The following EP400 variants were observed in gnomAD, a reference collection of about 807,000 sequenced individuals.
EP400 encodes E1A-binding protein p400.
A neutral mutation model predicts 354.1 loss-of-function variants in EP400; 105 were observed. The observed-to-expected ratio is 0.30, with a 90% CI of 0.25 to 0.35. EP400 has a LOEUF of 0.35. Among genes scored for constraint, EP400 ranks in the 10% least tolerant of loss-of-function variants. The pLI is 1.00. For synonymous variants in EP400, 1,646 were observed against 1,716.9 expected (o/e 0.96, Z 1.02); for missense variants, 3,280 against 4,121.0 (o/e 0.80, Z 5.59).
In EP400 at chr12:132,069,635, G is replaced by T; in HGVS notation, c.9015G>T (p.Gln3005His). ...CCGGGGCCCAGCAAGTGCAGACCCAGATCCAGGTGAGCGGGGAACAGGGTG... is the reference window on the plus strand; with the variant it reads ...CCGGGGCCCAGCAAGTGCAGACCCATATCCAGGTGAGCGGGGAACAGGGTG... Reference protein sequence around the residue: ...KLAGAQQVQTQIQVAKLPQVV... With the variant: ...KLAGAQQVQTHIQVAKLPQVV... Residue 3005 changes from glutamine to histidine, a missense_variant, in exon 51 of 53, where the codon CAG (glutamine) becomes CAT (histidine). Around this residue, in one of 20 missense-constraint regions of EP400, gnomAD observed 279 missense variants for 386.7 expected, o/e 0.72. Transcript: ENST00000389561. 6.2e-7 allele frequency: 1 copy of T among 1,614,204 alleles called. No homozygotes were observed. The highest frequency in any genetic ancestry group is 8.5e-7 in the Non-Finnish European group (1 of 1,180,014).
intron 2 of EP400, among the ~76,000 whole-genome samples, chr12:131,966,520 G>A (rs939659261): frequency 7.3e-6 from 1 of 136,814 alleles, no homozygotes; most frequent in African/African-American, 2.8e-5. Context: ...CTGAGACAGC[G>A]CCACTGCACA....
intron 2 of EP400, 33 bp downstream of exon 2, chr12:131,961,987 ATCT>A (rs750248708): frequency 2.7e-5 from 42 of 1,577,428 alleles, no homozygotes; most frequent in Non-Finnish European, 3.3e-5. Flanking sequence ...TTTAGTACAA[ATCT>A]TCTAGATGAT....
At chr12:132,060,227 A>C (rs2136602940) in intron 45 of EP400, among the ~76,000 whole-genome samples, 1 of 152,278 alleles carries the variant, frequency 6.6e-6, no homozygotes, top group Non-Finnish European at 1.5e-5. Context: ...GGAGGCAAAA[A>C]TCAGAAGACA....
chr12:132,052,270 G>A lies in EP400; in HGVS notation c.7395-876G>A, dbSNP rs976442296. Among the ~76,000 whole-genome samples, 1 of 152,160 alleles carries A rather than the reference G, an allele frequency of 6.6e-6. No homozygotes were observed. Among genetic ancestry groups the A allele is most frequent in the Non-Finnish European group, 1.5e-5 (1 of 68,014 alleles). ...CCGCCCACAGTTGTCACACAGTGGCGGATTTGGGAGGCTTCCTCGTTCTGT... is the reference window on the plus strand; with the variant it reads ...CCGCCCACAGTTGTCACACAGTGGCAGATTTGGGAGGCTTCCTCGTTCTGT... On this transcript the variant is annotated intron_variant, in intron 41 of 52. Transcript: ENST00000389561. The surrounding 1 kb of genome is among the most constrained non-coding windows in gnomAD (Gnocchi z 4.4).
intron 21 of EP400, among the ~76,000 whole-genome samples, chr12:132,019,271 G>A (rs1894043844): frequency 6.6e-6 from 1 of 152,114 alleles, no homozygotes; most frequent in Non-Finnish European, 1.5e-5. Flanking sequence ...TGAACTCTTG[G>A]GCTCAAGGGA....
At chr12:131,996,305 T>TTTTTTTG (rs1450972110) in intron 12 of EP400, among the ~76,000 whole-genome samples, 2 of 150,138 alleles carry the variant, frequency 1.3e-5, no homozygotes, top group African/African-American at 5.0e-5. Flanking sequence ...CTTTTTTTTT[T>TTTTTTTG]TTTTTTGAGA....
Position 132,028,308 on chromosome 12 carries a change from CT to C in EP400, c.5381+24del. 1 of 1,604,000 alleles carries C rather than the reference CT, an allele frequency of 6.2e-7. No homozygotes were observed. Among genetic ancestry groups the C allele is most frequent in the Non-Finnish European group, 8.5e-7 (1 of 1,171,474 alleles). ...TGACAGGTACTGCAGACCTCGTGAC[CT>C]TTTCGGTGCTCTCTGGCTGCATTGC... On this transcript the variant is annotated intron_variant, in intron 27 of 52. Transcript: ENST00000389561.
chr12:132,077,537 C>A lies in EP400; in HGVS notation c.9236C>A (p.Ala3079Asp). The A allele has an allele frequency of 6.2e-7, 1 of 1,613,882 alleles. No individual in the cohort carries two copies. The highest frequency in any genetic ancestry group is 8.5e-7 in the Non-Finnish European group (1 of 1,179,998). The change falls in exon 53 of 53, where the codon GCC (alanine) becomes GAC (aspartate). Residue 3079 changes from alanine (A) to aspartate (D), a missense_variant. Physicochemically the swap from Ala to Asp is moderately radical, Grantham distance 126 (BLOSUM62 -2). Around this residue, in one of 20 missense-constraint regions of EP400, gnomAD observed 279 missense variants for 386.7 expected, o/e 0.72. Coordinates refer to ENST00000389561, the MANE Select transcript of EP400 (RefSeq NM_015409.5). The part of the protein sequence containing the change: ...IQQQVVTTAS[A>D]PLQTPGAPNP... Reference sequence around the variant, plus strand: ...CAGCAGGTGGTGACCACGGCGTCGGCCCCGCTCCAGACTCCAGGCGCTCCC... The same window carrying A: ...CAGCAGGTGGTGACCACGGCGTCGGACCCGCTCCAGACTCCAGGCGCTCCC...
In EP400 at chr12:131,984,466, C is replaced by G. The variant is rs1280421651; in HGVS notation, c.1929+1988C>G. Among the ~76,000 whole-genome samples the G allele has an allele frequency of 1.8e-4, 27 of 152,178 alleles. 1 individual carries two copies. Among genetic ancestry groups the G allele is most frequent in the African/African-American group, 2.4e-5 (1 of 41,450 alleles). On this transcript the variant is annotated intron_variant, in intron 5 of 52. Coordinates refer to ENST00000389561, the MANE Select transcript of EP400 (RefSeq NM_015409.5). ...GTAGTTGGGAGCCTTTTGTGCAAGT[C>G]TGCAGGGAAGCCTTGTACACCCACT...
At chr12:131,989,487 A>G (rs1162367840) in intron 7 of EP400, among the ~76,000 whole-genome samples, 2 of 151,936 alleles carry the variant, frequency 1.3e-5, no homozygotes, top group Admixed American at 1.3e-4. Flanking sequence ...AATTCTCTCC[A>G]CCCATTTGAG....
rs1895258081 is a variant in EP400 at position 132,050,678 on chromosome 12, T to A, written c.7394+23T>A. The stretch of plus-strand genomic sequence containing the variant: ...AAGGTATTTCTCTATTCGTGACACA[T>A]TTGTTACTGTTTGGAAGGATTTCAT... On this transcript the variant is annotated intron_variant, in intron 41 of 52. Transcript: ENST00000389561. The surrounding 1 kb of genome is among the most constrained non-coding windows in gnomAD (Gnocchi z 4.8). 1.2e-6 allele frequency: 2 copies of A among 1,613,906 alleles called. No homozygotes were observed. The highest frequency in any genetic ancestry group is 1.7e-6 in the Non-Finnish European group (2 of 1,179,810).
Position 131,961,848 on chromosome 12 carries a change from A to G in EP400, c.1229A>G (p.His410Arg), listed in dbSNP as rs909500396. Residue 410 changes from histidine to arginine, a missense_variant, in exon 2 of 53, where the codon CAT becomes CGT. His to Arg is a conservative substitution (Grantham distance 29, BLOSUM62 0). This residue lies in a region of EP400 where 800 missense variants were observed against 840.0 expected (regional missense o/e 0.95). Transcript: ENST00000389561. ...MMDFLAFKKK[H>R]YAPLQAYLRQ... is the part of the protein sequence containing the mutation. The stretch of plus-strand genomic sequence containing the variant: ...GATTTCTTAGCTTTCAAGAAGAAAC[A>G]TTATGCCCCATTACAAGCATATCTT... 1.1e-5 allele frequency: 18 copies of G among 1,614,118 alleles called. No homozygotes were observed. Among genetic ancestry groups the G allele is most frequent in the Admixed American group, 1.7e-5 (1 of 60,010 alleles).
rs143495951 is a variant in EP400, at chr12:131,959,065, T to A, written c.-35-1520T>A. On this transcript the variant is annotated intron_variant, in intron 1 of 52. Transcript: ENST00000389561. Reference sequence around the variant, plus strand: ...GTGGCACCCAGGTCAAGCTGGCTTCTGTGGCAGGCCTAAGTGTGAACTGGA... The same window carrying A: ...GTGGCACCCAGGTCAAGCTGGCTTCAGTGGCAGGCCTAAGTGTGAACTGGA... Among the ~76,000 whole-genome samples, 145 of 152,328 alleles carry A rather than the reference T, an allele frequency of 9.5e-4. No individual in the cohort carries two copies. In the Middle Eastern group the frequency reaches 0.048, roughly 50 times the overall value.
rs758069107 is a variant in EP400, at chr12:132,077,755, T to C, written c.*82T>C. On this transcript the variant is annotated 3_prime_UTR_variant, in exon 53 of 53. Coordinates refer to ENST00000389561, the MANE Select transcript of EP400 (RefSeq NM_015409.5). ...GCTTTATTAGTGAACCTTGGGACCA[T>C]GTCACGCAAGAGATTCAGCACTGGG... 10 of 1,436,174 alleles carry C rather than the reference T, an allele frequency of 7.0e-6. No individual in the cohort carries two copies. The highest frequency in any genetic ancestry group is 9.2e-6 in the Non-Finnish European group (10 of 1,084,808). The allele number at this position is 1,436,174 out of a possible 1,614,324, so 89.0% of individuals were successfully genotyped here.
chr12:132,011,851 C>A (rs1185729044), intron 16 of EP400, among the ~76,000 whole-genome samples: 1 of 152,016 alleles, frequency 6.6e-6, no homozygotes, highest in Admixed American at 6.5e-5. Context: ...ACTCGCAGGC[C>A]CAGGTGTGCA....
chr12:131,950,378 G>A (rs1458464048), intron 1 of EP400, among the ~76,000 whole-genome samples: 1 of 152,186 alleles, frequency 6.6e-6, no homozygotes, highest in Non-Finnish European at 1.5e-5. Context: ...ACTCCGGCCC[G>A]CGCCTCCTGG....
At chr12:131,955,655 G>GT (rs1339604671) in intron 1 of EP400, among the ~76,000 whole-genome samples, 1 of 148,420 alleles carries the variant, frequency 6.7e-6, no homozygotes, top group Non-Finnish European at 1.5e-5. Flanking sequence ...TGTACTTTTT[G>GT]TTTTTTTGAG....
intron 7 of EP400, 31 bp from the exon 8 acceptor site, chr12:131,989,933 A>G (rs372351944): frequency 6.2e-7 from 1 of 1,611,436 alleles, no homozygotes; most frequent in Non-Finnish European, 8.5e-7. Flanking sequence ...CATAGAGTAC[A>G]ACATACAATT....
intron 30 of EP400, among the ~76,000 whole-genome samples, chr12:132,035,968 C>T (rs1474411544): frequency 1.6e-5 from 2 of 124,022 alleles, no homozygotes; most frequent in Non-Finnish European, 3.3e-5. Context: ...CATCGTGGAA[C>T]GACACACCCA....
Sources: gnomAD v4.1 joint callset for allele counts (sites outside exome capture counted in the v4.1 genomes callset) on GRCh38, gnomAD v4.1.1 for gene constraint, gnomAD v4.1.1 regional missense constraint, Gnocchi (gnomAD v3.1) non-coding constraint, MANE v1.5 for transcripts, NCBI Gene and HGNC (gene_info 2026-07-23, HGNC 2026-07-21) for gene names.